ARAP2: variants seen among roughly 807,000 people sequenced by gnomAD.
ARAP2 encodes the protein ArfGAP with RhoGAP domain, ankyrin repeat and PH domain 2.
A neutral mutation model predicts 194.5 loss-of-function variants in ARAP2; 148 were observed. That is an observed-to-expected ratio of 0.76 (90% CI 0.67 to 0.87). The LOEUF is 0.87. Ranked by LOEUF, ARAP2 falls within the 40% of genes least tolerant of loss-of-function variation. The pLI is 0.00. For synonymous variants in ARAP2, 695 were observed against 683.5 expected (o/e 1.02, Z -0.26); for missense variants, 2,128 against 1,989.7 (o/e 1.07, Z -1.32).
At chr4:36,093,708 T>A (rs1359436923) in intron 27 of ARAP2, among the ~76,000 whole-genome samples, 1 of 152,084 alleles carries the variant, frequency 6.6e-6, no homozygotes, top group African/African-American at 2.4e-5. Context: ...TGGGGTTCCA[T>A]TGATCAAGTC....
At chr4:36,009,635 C>G (rs1293379996) in intron 9 of ARAP2, among the ~76,000 whole-genome samples, 1 of 151,502 alleles carries the variant, frequency 6.6e-6, no homozygotes, top group Non-Finnish European at 1.5e-5. Context: ...TATTTATCCC[C>G]TGATTATAAA....
chr4:36,070,521 C>T (rs1340020689), intron 32 of ARAP2, among the ~76,000 whole-genome samples: 1 of 152,100 alleles, frequency 6.6e-6, no homozygotes, highest in East Asian at 1.9e-4. Context: ...TCTGTCTCTC[C>T]CAGTGGCAGA....
intron 15 of ARAP2, 60 bp from the exon 16 acceptor site, chr4:36,151,104 A>T (rs1302066876): frequency 1.0e-5 from 14 of 1,395,168 alleles, no homozygotes; most frequent in Non-Finnish European, 1.4e-5. Flanking sequence ...AATTTTAAAA[A>T]CAAAAACATA....
At chr4:36,139,175 AT>A (rs537075875) in intron 19 of ARAP2, among the ~76,000 whole-genome samples, 158 of 151,704 alleles carry the variant, frequency 1.0e-3, no homozygotes, top group African/African-American at 3.7e-3. Context: ...AATACTTGTG[AT>A]TTTTTCTAAT....
chr4:36,071,004 C>G (rs1289202980), intron 32 of ARAP2, among the ~76,000 whole-genome samples: 1 of 152,104 alleles, frequency 6.6e-6, no homozygotes, highest in Non-Finnish European at 1.5e-5. Flanking sequence ...GCTCAGGATA[C>G]TAACAACAAA....
At chr4:36,199,133 A>T (rs1265670401) in intron 6 of ARAP2, among the ~76,000 whole-genome samples, 5 of 152,186 alleles carry the variant, frequency 3.3e-5, no homozygotes, top group Non-Finnish European at 7.4e-5. Context: ...AGCCCTGGCC[A>T]CACCTCTCTG....
chr4:36,069,904 C>A (rs982461129), intron 32 of ARAP2, among the ~76,000 whole-genome samples: 3 of 152,030 alleles, frequency 2.0e-5, no homozygotes, highest in African/African-American at 7.3e-5. Context: ...ATGTTGAGAT[C>A]TGGTCCTTTA....
At chr4:36,238,926 T>C (rs886124511) in intron 1 of ARAP2, among the ~76,000 whole-genome samples, 6 of 137,024 alleles carry the variant, frequency 4.4e-5, no homozygotes, top group Admixed American at 1.5e-4. Context: ...ATGAAGTCAA[T>C]GGTTATGGTA....
chr4:36,166,659 C>CA (rs34197719), intron 10 of ARAP2, among the ~76,000 whole-genome samples: 4,899 of 143,246 alleles, frequency 0.034, 99 homozygotes, highest in East Asian at 0.056. Flanking sequence ...CACATATTTT[C>CA]AAAAAAAAAA....
At chr4:36,237,529 T>C (rs1459061243) in intron 1 of ARAP2, among the ~76,000 whole-genome samples, 4 of 152,298 alleles carry the variant, frequency 2.6e-5, no homozygotes, top group South Asian at 2.1e-4. Flanking sequence ...TATGAGTTCA[T>C]GCAAGATCTG....
chr4:36,214,913 T>A (rs1747572993), intron 2 of ARAP2, among the ~76,000 whole-genome samples: 1 of 152,220 alleles, frequency 6.6e-6, no homozygotes, highest in African/African-American at 2.4e-5. Context: ...AGCTTTATAA[T>A]ACTGAGTCAA....
Position 36,128,647 on chromosome 4 carries a change from T to G in ARAP2, c.3526A>C (p.Arg1176=), listed in dbSNP as rs752760486. The change falls in exon 21 of 33, where the codon AGG becomes CGG. Residue 1176 remains arginine, a synonymous_variant. Transcript: ENST00000303965. ...TCTTCAAGCTGATGTTTTCCAGCCC[T>G]CAATTTAAAGCTTCTTGCATCCTTT... is the stretch of plus-strand genomic sequence containing the variant. ...FKKDARSFKL[R]AGKHQLEDVT... The G allele has an allele frequency of 2.5e-6, 4 of 1,613,000 alleles. No individual in the cohort carries two copies. The highest frequency in any genetic ancestry group is 8.5e-7 in the Non-Finnish European group (1 of 1,179,474).
intron 2 of ARAP2, among the ~76,000 whole-genome samples, chr4:36,225,972 T>C (rs180925981): frequency 1.6e-3 from 250 of 152,262 alleles, no homozygotes; most frequent in African/African-American, 5.7e-3. Flanking sequence ...TATAACACTT[T>C]AAAATCATGG....
At chr4:36,054,903 A>T (rs1376873184) in intron 2 of ARAP2, among the ~76,000 whole-genome samples, 2 of 152,222 alleles carry the variant, frequency 1.3e-5, no homozygotes, top group Admixed American at 6.5e-5. Flanking sequence ...AGGACATTTT[A>T]TAATGATTGG....
At chr4:36,197,696 G>A (rs975525541) in intron 6 of ARAP2, among the ~76,000 whole-genome samples, 1 of 152,198 alleles carries the variant, frequency 6.6e-6, no homozygotes, top group South Asian at 2.1e-4. Context: ...GTGAGCATGG[G>A]GTCCAGCCAC....
At chr4:36,191,919 G>A (rs893122164) in intron 7 of ARAP2, among the ~76,000 whole-genome samples, 5 of 152,030 alleles carry the variant, frequency 3.3e-5, no homozygotes, top group South Asian at 2.1e-4. Flanking sequence ...CATGATTGGC[G>A]GCCTCAAAGA....
intron 2 of ARAP2, among the ~76,000 whole-genome samples, chr4:36,223,123 G>A (rs183042844): frequency 1.3e-5 from 2 of 152,180 alleles, no homozygotes; most frequent in African/African-American, 4.8e-5. Context: ...ATATGTAAAT[G>A]AGCTTGGGAA....
chr4:36,203,288 C>G (rs1316411963), intron 6 of ARAP2, among the ~76,000 whole-genome samples: 2 of 152,006 alleles, frequency 1.3e-5, no homozygotes, highest in Non-Finnish European at 2.9e-5. Flanking sequence ...ATGAGCCACC[C>G]AAAAACTGGT....
chr4:36,058,283 TA>T (rs1236841088), intron 1 of ARAP2: 1 of 152,232 alleles, frequency 6.6e-6, no homozygotes, highest in African/African-American at 2.4e-5. Context: ...ACAAATGTCT[TA>T]AAAGGAAAAC....
Sources: allele counts gnomAD v4.1 joint callset (sites outside exome capture counted in the v4.1 genomes callset), GRCh38; gene constraint gnomAD v4.1.1; transcripts MANE v1.5; gene names NCBI Gene and HGNC (gene_info 2026-07-23, HGNC 2026-07-21).